The following CDC5L variants were observed in gnomAD, a reference collection of about 807,000 sequenced individuals.
CDC5L encodes cell division cycle 5-like protein.
In CDC5L, 18 loss-of-function variants were observed where a neutral mutation model predicts 104.1. The observed-to-expected ratio is 0.17, with a 90% CI of 0.12 to 0.26. CDC5L has a LOEUF of 0.26. Ranked by LOEUF, CDC5L falls within the 10% of genes least tolerant of loss-of-function variation. CDC5L has a pLI of 1.00. For synonymous variants in CDC5L, 331 were observed against 322.7 expected, an observed-to-expected ratio of 1.03 and a Z score of -0.28; for missense variants, 673 against 956.9, an observed-to-expected ratio of 0.70 and a Z score of 3.91.
intron 5 of CDC5L, among the ~76,000 whole-genome samples, chr6:44,398,700 A>G (rs1790983983): frequency 6.6e-6 from 1 of 152,172 alleles, no homozygotes. Flanking sequence ...GGTTATATTC[A>G]TTTAGCATTA....
At chr6:44,440,747 G>A (rs999326942) in intron 14 of CDC5L, among the ~76,000 whole-genome samples, 1 of 122,490 alleles carries the variant, frequency 8.2e-6, no homozygotes, top group South Asian at 2.5e-4. Context: ...TTGCTGTGTT[G>A]TCCAGGCTGG....
intron 13 of CDC5L, 76 bp from the exon 14 acceptor site, chr6:44,429,637 A>G: frequency 1.5e-6 from 2 of 1,313,702 alleles, no homozygotes; most frequent in African/African-American, 1.5e-5. Context: ...GAGGGAAAAA[A>G]TTAGTCTTCT....
rs1187496918 is a variant in CDC5L, at chr6:44,424,549, T to C, written c.1535T>C (p.Ile512Thr). The C allele has an allele frequency of 3.7e-6, 6 of 1,613,832 alleles. No homozygotes were observed. The highest frequency in any genetic ancestry group is 1.3e-5 in the African/African-American group (1 of 74,920). ...LEEREIDDTY[I>T]EDAADVDARK... ...GAACGTGAAATAGATGATACTTACA[T>C]TGAAGATGCTGCTGATGTGGATGCT... Residue 512 changes from isoleucine (I) to threonine (T), a missense_variant, in exon 11 of 16, where the codon ATT becomes ACT. By Grantham distance (89) the Ile-to-Thr change is moderately conservative (BLOSUM62 -1). Coordinates refer to ENST00000371477, the MANE Select transcript of CDC5L (RefSeq NM_001253.4).
At chr6:44,406,529 C>G in intron 7 of CDC5L, 62 bp downstream of exon 7, 2 of 1,451,914 alleles carry the variant, frequency 1.4e-6, no homozygotes, top group South Asian at 1.2e-5. Flanking sequence ...ATTTATTCAG[C>G]AAATGTTTGA....
chr6:44,438,980 A>T (rs1793061406), intron 14 of CDC5L, among the ~76,000 whole-genome samples: 1 of 152,134 alleles, frequency 6.6e-6, no homozygotes, highest in Admixed American at 6.6e-5. Context: ...ATCACCTCAG[A>T]AAGAGATTCT....
rs1172154705 is a variant in CDC5L at position 44,447,717 on chromosome 6, T to C, written c.*1006T>C. On this transcript the variant is annotated 3_prime_UTR_variant, in exon 16 of 16. Coordinates refer to ENST00000371477, the MANE Select transcript of CDC5L (RefSeq NM_001253.4). Reference sequence around the variant, plus strand: ...CTTAGAGAGAGAACAACAAACAAAATAGGCCTAGTTCTTGTTTAGTAGAGC... The same window carrying C: ...CTTAGAGAGAGAACAACAAACAAAACAGGCCTAGTTCTTGTTTAGTAGAGC... The C allele has an allele frequency of 6.6e-6, 1 of 152,108 alleles. No individual in the cohort carries two copies. The highest frequency in any genetic ancestry group is 1.5e-5 in the Non-Finnish European group (1 of 68,004). 9.4% of individuals were successfully genotyped at this position (152,108 alleles called of 1,614,324 possible).
chr6:44,427,118 A>G (rs1350490630), intron 13 of CDC5L, among the ~76,000 whole-genome samples: 2 of 152,326 alleles, frequency 1.3e-5, no homozygotes, highest in East Asian at 1.9e-4. Context: ...AAAAATGTTT[A>G]TAGATTAAAC....
At chr6:44,393,391 A>G (rs1790709332) in intron 3 of CDC5L, 55 bp from the exon 4 acceptor site, 3 of 1,488,558 alleles carry the variant, frequency 2.0e-6, no homozygotes, top group South Asian at 1.3e-5. Context: ...AAATCTGGTA[A>G]TTTTAACTCT....
At chr6:44,408,060 C>G (rs377680748) in intron 7 of CDC5L, among the ~76,000 whole-genome samples, 2 of 152,086 alleles carry the variant, frequency 1.3e-5, no homozygotes, top group Non-Finnish European at 1.5e-5. Flanking sequence ...AGAGATACAG[C>G]CTTTGTAGCT....
intron 5 of CDC5L, among the ~76,000 whole-genome samples, chr6:44,398,753 AT>A (rs1790986986): frequency 6.6e-6 from 1 of 152,200 alleles, no homozygotes; most frequent in Non-Finnish European, 1.5e-5. Flanking sequence ...CCTTATTTCC[AT>A]TATTTAAAGA....
At chr6:44,418,209 T>C (rs560164186) in intron 8 of CDC5L, among the ~76,000 whole-genome samples, 324 of 152,098 alleles carry the variant, frequency 2.1e-3, no homozygotes, top group African/African-American at 7.3e-3. Context: ...TGTGTTCTCA[T>C]TGTTCAGTTC....
chr6:44,398,883 C>T lies in CDC5L; in HGVS notation c.539+2443C>T, dbSNP rs146860738. 3.9e-4 allele frequency among the ~76,000 whole-genome samples: 59 copies of T among 152,306 alleles called. No homozygotes were observed. In the East Asian group the frequency reaches 9.4e-3, roughly 24 times the overall value. On this transcript the variant is annotated intron_variant, in intron 5 of 15. Coordinates refer to ENST00000371477, the MANE Select transcript of CDC5L (RefSeq NM_001253.4). ...TTATACAAAGTTGGATCATACTGTA[C>T]GGTTTTAATGAGAAGTCAGCTGTAA...
intron 8 of CDC5L, among the ~76,000 whole-genome samples, chr6:44,419,158 C>G (rs1412040328): frequency 6.6e-6 from 1 of 152,052 alleles, no homozygotes; most frequent in Non-Finnish European, 1.5e-5. Flanking sequence ...TTTAATCCAT[C>G]TTGAATTAAT....
intron 13 of CDC5L, among the ~76,000 whole-genome samples, chr6:44,429,314 C>T (rs1792573132): frequency 6.6e-6 from 1 of 152,106 alleles, no homozygotes; most frequent in African/African-American, 2.4e-5. Context: ...GCCACCGTGC[C>T]TGGCCAAATT....
intron 2 of CDC5L, 24 bp from the exon 3 acceptor site, chr6:44,392,643 T>C (rs1282046802): frequency 6.2e-7 from 1 of 1,602,764 alleles, no homozygotes; most frequent in Non-Finnish European, 8.5e-7. Flanking sequence ...CTGATTAATA[T>C]ATAAAATGAT....
rs1188656778 is a variant in CDC5L, at chr6:44,413,608, T to C, written c.1092+4976T>C. ...ATTTTATTTGTTTATTTTTGAGACA[T>C]GGTCTTGCTCTGTTGCCCAGGCTGG... On this transcript the variant is annotated intron_variant, in intron 8 of 15. Coordinates refer to ENST00000371477, the MANE Select transcript of CDC5L (RefSeq NM_001253.4). Among the ~76,000 whole-genome samples, 2 of 152,128 alleles carry C rather than the reference T, an allele frequency of 1.3e-5. 1 individual carries two copies. Among genetic ancestry groups the C allele is most frequent in the Admixed American group, 1.3e-4 (2 of 15,266 alleles).
At position 44,429,907 on chromosome 6, in the gene CDC5L, C is replaced by G. The variant is rs777712331; in HGVS notation, c.2088C>G (p.Leu696=). The G allele has an allele frequency of 8.1e-6, 13 of 1,612,240 alleles. No individual in the cohort carries two copies. The highest frequency in any genetic ancestry group is 5.0e-5 in the Admixed American group (3 of 59,886). The change falls in exon 14 of 16, where the codon CTC becomes CTG. Residue 696 remains leucine, a synonymous_variant. Transcript: ENST00000371477. ...GAATTGAATCACTTGAAAAGAGGCT[C>G]GAGGTTGGTATCCTTTTAAAATTTT... The part of the protein sequence containing the change: ...KDRIESLEKR[L]EINRGHMTTE...
At chr6:44,405,908 CT>C (rs554793557) in intron 6 of CDC5L, among the ~76,000 whole-genome samples, 57 of 144,428 alleles carry the variant, frequency 3.9e-4, no homozygotes, top group Non-Finnish European at 3.2e-4. Flanking sequence ...TAGCTATTTT[CT>C]TTTTTTTTTT....
intron 14 of CDC5L, among the ~76,000 whole-genome samples, chr6:44,433,139 A>G (rs1192010530): frequency 6.6e-6 from 1 of 152,208 alleles, no homozygotes; most frequent in Non-Finnish European, 1.5e-5. Context: ...AAAGAGCTTT[A>G]GTACTTTTAT....
Sources: gnomAD v4.1 joint callset for allele counts (sites outside exome capture counted in the v4.1 genomes callset) on GRCh38, gnomAD v4.1.1 for gene constraint, MANE v1.5 for transcripts, NCBI Gene and HGNC (gene_info 2026-07-23, HGNC 2026-07-21) for gene names.